Variants in CTNNA3 observed in about 807,000 individuals in gnomAD.
The protein encoded by CTNNA3 is catenin alpha 3.
In CTNNA3, 76 loss-of-function variants were observed where a neutral mutation model predicts 95.7. That is an observed-to-expected ratio of 0.79 (90% CI 0.66 to 0.96). CTNNA3 has a LOEUF of 0.96. Among genes scored for constraint, CTNNA3 ranks in the 40% least tolerant of loss-of-function variants. The pLI is 0.00. For synonymous variants in CTNNA3, 431 were observed against 374.4 expected (o/e 1.15, Z -1.74); for missense variants, 1,191 against 1,089.8 (o/e 1.09, Z -1.31).
At chr10:66,145,665 C>G (rs1284281838) in intron 13 of CTNNA3, among the ~76,000 whole-genome samples, 2 of 152,130 alleles carry the variant, frequency 1.3e-5, no homozygotes, top group African/African-American at 2.4e-5. Context: ...ACCTGCTGAG[C>G]CAGCTTATTG....
chr10:66,628,335 T>C (rs996650644), intron 9 of CTNNA3, among the ~76,000 whole-genome samples: 2 of 152,082 alleles, frequency 1.3e-5, no homozygotes, highest in African/African-American at 4.8e-5. Context: ...CACTCCTTCC[T>C]AATAAAAATG....
In CTNNA3 at chr10:66,319,837, A is replaced by T. The variant is rs1016181477; in HGVS notation, c.1733-39216T>A. Among the ~76,000 whole-genome samples the T allele has an allele frequency of 3.9e-5, 6 of 152,292 alleles. No individual in the cohort carries two copies. In the South Asian group the frequency reaches 1.2e-3, roughly 32 times the overall value. ...CTCCCACTCTTCAAAGGAAGAGAGT[A>T]TTTATTTGTGAGACTAAGAAAGGGC... On this transcript the variant is annotated intron_variant, in intron 12 of 17. Coordinates refer to ENST00000433211, the MANE Select transcript of CTNNA3 (RefSeq NM_013266.4).
At chr10:66,802,503 G>T (rs987001313) in intron 7 of CTNNA3, among the ~76,000 whole-genome samples, 1 of 151,816 alleles carries the variant, frequency 6.6e-6, no homozygotes, top group Non-Finnish European at 1.5e-5. Context: ...ATGTTGGCAA[G>T]GATGTGGAAC....
intron 8 of CTNNA3, among the ~76,000 whole-genome samples, chr10:66,769,812 T>C (rs1840014555): frequency 6.6e-6 from 1 of 152,200 alleles, no homozygotes; most frequent in Admixed American, 6.5e-5. Context: ...CCTCAAGCTC[T>C]CATTGCCTAC....
intron 10 of CTNNA3, among the ~76,000 whole-genome samples, chr10:66,538,778 T>C (rs1252769448): frequency 6.6e-6 from 1 of 152,216 alleles, no homozygotes; most frequent in African/African-American, 2.4e-5. Flanking sequence ...GTCACAATAC[T>C]GTCTTATTGT....
At chr10:67,682,728 C>T (rs546578843) in intron 1 of CTNNA3, among the ~76,000 whole-genome samples, 15 of 152,222 alleles carry the variant, frequency 9.9e-5, no homozygotes, top group African/African-American at 3.1e-4. Context: ...CTTCCATGAA[C>T]GTATTCTAAG....
chr10:66,671,883 A>T (rs1846673183), intron 9 of CTNNA3, among the ~76,000 whole-genome samples: 1 of 152,188 alleles, frequency 6.6e-6, no homozygotes, highest in Non-Finnish European at 1.5e-5. Context: ...ATAGGATAAT[A>T]CATACAAGTA....
intron 1 of CTNNA3, among the ~76,000 whole-genome samples, chr10:67,726,214 C>A (rs972406971): frequency 1.1e-5 from 1 of 89,298 alleles, no homozygotes; most frequent in African/African-American, 4.7e-5. Flanking sequence ...ATATATTATA[C>A]ATAATACATC....
intron 9 of CTNNA3, among the ~76,000 whole-genome samples, chr10:66,762,984 A>C (rs1249407384): frequency 6.6e-6 from 1 of 152,136 alleles, no homozygotes; most frequent in Non-Finnish European, 1.5e-5. Flanking sequence ...AAAGTCATTT[A>C]GAATGTAAGA....
chr10:67,705,601 G>C (rs1437528886), intron 1 of CTNNA3, among the ~76,000 whole-genome samples: 1 of 139,428 alleles, frequency 7.2e-6, no homozygotes, highest in African/African-American at 2.7e-5. Flanking sequence ...ACACAGGAGG[G>C]GGACCATCAC....
intron 16 of CTNNA3, among the ~76,000 whole-genome samples, chr10:65,984,736 T>G (rs1217073915): frequency 4.0e-5 from 6 of 151,254 alleles, no homozygotes; most frequent in African/African-American, 1.4e-4. Context: ...GAAAACTGGG[T>G]GTTTCAAAAT....
At chr10:67,004,799 A>G (rs908278822) in intron 7 of CTNNA3, among the ~76,000 whole-genome samples, 2 of 152,158 alleles carry the variant, frequency 1.3e-5, no homozygotes, top group African/African-American at 4.8e-5. Context: ...GAACTCTGCA[A>G]GTTTCTTGTT....
intron 12 of CTNNA3, among the ~76,000 whole-genome samples, chr10:66,355,572 T>A (rs190846300): frequency 4.6e-5 from 7 of 152,134 alleles, no homozygotes; most frequent in African/African-American, 1.7e-4. Context: ...AATAGGAAAC[T>A]CTTTATTTTT....
intron 7 of CTNNA3, among the ~76,000 whole-genome samples, chr10:66,829,729 C>T (rs1336784991): frequency 1.3e-5 from 2 of 151,174 alleles, no homozygotes; most frequent in East Asian, 3.9e-4. Flanking sequence ...TTTCATGAAC[C>T]ACACTTTGGG....
chr10:67,352,454 C>T (rs758827205), intron 5 of CTNNA3, among the ~76,000 whole-genome samples: 1 of 151,862 alleles, frequency 6.6e-6, no homozygotes, highest in African/African-American at 2.4e-5. Flanking sequence ...CTAAAGTCTC[C>T]CTTTCCAGAA....
intron 7 of CTNNA3, among the ~76,000 whole-genome samples, chr10:67,023,976 G>A (rs887256998): frequency 2.6e-5 from 4 of 152,164 alleles, no homozygotes; most frequent in Non-Finnish European, 5.9e-5. Flanking sequence ...AATCCTCAGA[G>A]TCTATATTAA....
chr10:66,973,038 A>G (rs1183153566), intron 7 of CTNNA3, among the ~76,000 whole-genome samples: 1 of 152,224 alleles, frequency 6.6e-6, no homozygotes, highest in Non-Finnish European at 1.5e-5. Flanking sequence ...TTTACAAAAT[A>G]TGCTATAATA....
intron 9 of CTNNA3, among the ~76,000 whole-genome samples, chr10:66,642,279 A>ACAAAC (rs1554828894): frequency 2.4e-3 from 147 of 61,416 alleles, no homozygotes; most frequent in African/African-American, 7.6e-3. Flanking sequence ...CACACACACA[A>ACAAAC]ACACACACAC....
chr10:65,961,453 C>T (rs889008902), intron 17 of CTNNA3, among the ~76,000 whole-genome samples: 8 of 152,112 alleles, frequency 5.3e-5, no homozygotes, highest in South Asian at 2.1e-4. Context: ...CCTTTATAGT[C>T]GTTGGCCACT....
Sources: allele counts gnomAD v4.1 joint callset (sites outside exome capture counted in the v4.1 genomes callset), GRCh38; gene constraint gnomAD v4.1.1; transcripts MANE v1.5; gene names NCBI Gene and HGNC (gene_info 2026-07-23, HGNC 2026-07-21).